Variants in CAP1 observed in about 807,000 individuals in gnomAD.
The protein encoded by CAP1 is cyclase associated actin cytoskeleton regulatory protein 1.
In CAP1, 11 loss-of-function variants were observed where a neutral mutation model predicts 58.2. The ratio of observed to expected loss-of-function variants is 0.19; its 90% CI spans 0.12 to 0.31. The LOEUF (loss-of-function observed/expected upper bound fraction) is 0.31, where lower values mean the gene tolerates loss of function less well. Among genes scored for constraint, CAP1 ranks in the 10% least tolerant of loss-of-function variants. The pLI, the probability that CAP1 is intolerant of heterozygous loss-of-function variation, is 1.00. For missense variants in CAP1, 423 were observed against 587.5 expected (o/e 0.72, Z 2.89); for synonymous variants, 183 against 213.8 (o/e 0.86, Z 1.26).
chr1:40,059,563 A>G, intron 2 of CAP1, 105 bp downstream of exon 2: 1 of 683,524 alleles, frequency 1.5e-6, no homozygotes, highest in Non-Finnish European at 2.6e-6. Context: ...TTAATCTAGA[A>G]AGTTTACCTT....
chr1:40,071,519 G>A lies in CAP1; in HGVS notation c.1414G>A (p.Glu472Lys), dbSNP rs752232856. 3 of 1,612,282 alleles carry A rather than the reference G, an allele frequency of 1.9e-6. No homozygotes were observed. In the Admixed American group the frequency reaches 5.0e-5, roughly 27 times the overall value. Residue 472 changes from glutamate to lysine, a missense_variant, in exon 13 of 13, where the codon GAA (glutamate) becomes AAA (lysine). Physicochemically the swap from Glu to Lys is moderately conservative, Grantham distance 56. Coordinates refer to ENST00000372805, the MANE Select transcript of CAP1 (RefSeq NM_006367.4). ...NGQKLVTTVT[E>K]IAG ...GCAGAAGTTGGTCACCACAGTGACA[G>A]AAATTGCTGGATAAGCGAAGTGCCA... is the stretch of plus-strand genomic sequence containing the variant.
rs1570438722 is a variant in CAP1 at position 40,070,820 on chromosome 1, T to A, written c.1201-16T>A. ...TCCCAACCACTGGGACTCAGTTCTC[T>A]TTGTTTACTCTGCAGGTAATGGGTA... On this transcript the variant is annotated splice_polypyrimidine_tract_variant and intron_variant, in intron 11 of 12. Coordinates refer to ENST00000372805, the MANE Select transcript of CAP1 (RefSeq NM_006367.4). 2 of 1,600,002 alleles carry A rather than the reference T, an allele frequency of 1.3e-6. No individual in the cohort carries two copies. Among genetic ancestry groups the A allele is most frequent in the East Asian group, 4.5e-5 (2 of 44,748 alleles).
At chr1:40,071,413 C>A in intron 12 of CAP1, 37 bp from the exon 13 acceptor site, 2 of 1,452,232 alleles carry the variant, frequency 1.4e-6, no homozygotes, top group Non-Finnish European at 1.9e-6. Flanking sequence ...TGTTCTTTAG[C>A]TCAGATTTAA....
intron 7 of CAP1, 65 bp from the exon 8 acceptor site, chr1:40,067,475 A>G (rs549453216): frequency 1.5e-6 from 2 of 1,374,338 alleles, no homozygotes; most frequent in East Asian, 5.0e-5. Flanking sequence ...CATGTAGGGC[A>G]CTACTGGGAA....
intron 1 of CAP1, among the ~76,000 whole-genome samples, chr1:40,041,786 T>G (rs1645842748): frequency 6.6e-6 from 1 of 152,182 alleles, no homozygotes; most frequent in African/African-American, 2.4e-5. Flanking sequence ...TAAATGTTGA[T>G]GAGTGTTAGG....
chr1:40,057,657 C>T (rs1391926113), intron 1 of CAP1, among the ~76,000 whole-genome samples: 1 of 152,010 alleles, frequency 6.6e-6, no homozygotes, highest in Non-Finnish European at 1.5e-5. Flanking sequence ...ATCTCTTCCA[C>T]AGGGAGGACA....
intron 6 of CAP1, 59 bp from the exon 7 acceptor site, chr1:40,066,156 G>C: frequency 1.1e-6 from 1 of 928,780 alleles, no homozygotes; most frequent in Non-Finnish European, 1.8e-6. Context: ...AAGGGTTCTG[G>C]AGTCACCACT....
intron 1 of CAP1, among the ~76,000 whole-genome samples, chr1:40,045,522 C>T (rs1030080965): frequency 6.6e-6 from 1 of 152,168 alleles, no homozygotes; most frequent in African/African-American, 2.4e-5. Flanking sequence ...CTTCAGCCTC[C>T]TGAGTAGCTG....
At chr1:40,064,425 C>A in intron 5 of CAP1, 49 bp from the exon 6 acceptor site, 1 of 1,611,766 alleles carries the variant, frequency 6.2e-7, no homozygotes, top group Non-Finnish European at 8.5e-7. Flanking sequence ...AGAGGGAAGG[C>A]AATATAGTTG....
At chr1:40,041,521 C>G (rs1422245912) in intron 1 of CAP1, 1 of 152,212 alleles carries the variant, frequency 6.6e-6, no homozygotes, top group African/African-American at 2.4e-5. Context: ...TGAAATCAGA[C>G]GGCTCAGGTT....
chr1:40,054,193 CTTTT>C (rs398052925), intron 1 of CAP1, among the ~76,000 whole-genome samples: 2 of 136,392 alleles, frequency 1.5e-5, no homozygotes, highest in African/African-American at 5.4e-5. Context: ...GCCCACTGTT[CTTTT>C]TTTTTTTTTT....
chr1:40,054,305 C>T (rs1646516984), intron 1 of CAP1, among the ~76,000 whole-genome samples: 1 of 150,614 alleles, frequency 6.6e-6, no homozygotes, highest in African/African-American at 2.4e-5. Context: ...ATTCTCATGC[C>T]TCAGCCTCCC....
At chr1:40,045,266 T>G (rs1171444430) in intron 1 of CAP1, among the ~76,000 whole-genome samples, 4 of 152,176 alleles carry the variant, frequency 2.6e-5, no homozygotes, top group African/African-American at 7.2e-5. Flanking sequence ...TTAGAAAGTA[T>G]CGTAGCTATG....
intron 1 of CAP1, among the ~76,000 whole-genome samples, chr1:40,047,731 A>G (rs1646168985): frequency 6.6e-6 from 1 of 152,196 alleles, no homozygotes; most frequent in East Asian, 1.9e-4. Context: ...AACGTAGGAG[A>G]GAAGAGAACC....
upstream of CAP1, chr1:40,040,637 T>G (rs1353012456): frequency 2.0e-5 from 3 of 152,726 alleles, no homozygotes; most frequent in Non-Finnish European, 4.4e-5. Flanking sequence ...TGAGACTTCC[T>G]GCCCAGTCGC....
At chr1:40,067,753 C>T in intron 8 of CAP1, 36 bp downstream of exon 8, 1 of 1,510,926 alleles carries the variant, frequency 6.6e-7, no homozygotes, top group Non-Finnish European at 9.1e-7. Flanking sequence ...GTAGGTACAA[C>T]AAGTTGTGTG....
chr1:40,071,547 G>A lies in CAP1; in HGVS notation c.*14G>A, dbSNP rs780470291. 2.5e-6 allele frequency: 4 copies of A among 1,569,334 alleles called. No homozygotes were observed. The South Asian group carries it at 4.4e-5, about 17-fold the overall frequency. The stretch of plus-strand genomic sequence containing the variant: ...ATTGCTGGATAAGCGAAGTGCCACT[G>A]GGTTCTTTGCCCTCCCTTCACACCA... On this transcript the variant is annotated 3_prime_UTR_variant, in exon 13 of 13. Coordinates refer to ENST00000372805, the MANE Select transcript of CAP1 (RefSeq NM_006367.4).
chr1:40,071,456 T>C lies in CAP1; in HGVS notation c.1351T>C (p.Phe451Leu), dbSNP rs1446585356. The change falls in exon 13 of 13, where the codon TTC becomes CTC. Residue 451 changes from phenylalanine to leucine, a missense_variant. Phe to Leu is a conservative substitution (Grantham distance 22). Transcript: ENST00000372805. ...IPTEGGDFNE[F>L]PVPEQFKTLW... is the part of the protein sequence containing the mutation. ...GTCTCTTCTTTATTTGCAGAATGAA[T>C]TCCCAGTTCCTGAGCAGTTCAAGAC... 6 of 1,610,752 alleles carry C rather than the reference T, an allele frequency of 3.7e-6. No individual in the cohort carries two copies. The African/African-American group carries it at 8.0e-5, about 22-fold the overall frequency.
At chr1:40,049,385 A>T (rs1048021669) in intron 1 of CAP1, among the ~76,000 whole-genome samples, 3 of 151,374 alleles carry the variant, frequency 2.0e-5, no homozygotes, top group African/African-American at 7.3e-5. Flanking sequence ...TAATTTTTGT[A>T]TTTTTAGTAG....
Sources: allele counts gnomAD v4.1 joint callset (sites outside exome capture counted in the v4.1 genomes callset), GRCh38; gene constraint gnomAD v4.1.1; transcripts MANE v1.5; gene names NCBI Gene and HGNC (gene_info 2026-07-23, HGNC 2026-07-21).